The following AGBL1 variants were observed in gnomAD, a reference collection of about 807,000 sequenced individuals.
AGBL1 encodes the protein cytosolic carboxypeptidase 4.
A neutral mutation model predicts 118.9 loss-of-function variants in AGBL1; 130 were observed. That is an observed-to-expected ratio of 1.09 (90% confidence interval 0.95 to 1.26). AGBL1 has a LOEUF of 1.26. Among genes scored for constraint, AGBL1 ranks in the 50% most tolerant of loss-of-function variants. AGBL1 has a pLI of 0.00. For synonymous variants in AGBL1, 555 were observed against 478.9 expected (o/e 1.16, Z -2.08); for missense variants, 1,584 against 1,298.1 (o/e 1.22, Z -3.38).
chr15:86,883,187 A>T (rs1259389072), intron 22 of AGBL1, among the ~76,000 whole-genome samples: 1 of 152,248 alleles, frequency 6.6e-6, no homozygotes, highest in Admixed American at 6.5e-5. Context: ...TGAACAAGTT[A>T]TATTTAAATA....
At chr15:86,721,408 A>G (rs1461396836) in intron 22 of AGBL1, among the ~76,000 whole-genome samples, 2 of 152,206 alleles carry the variant, frequency 1.3e-5, no homozygotes, top group Non-Finnish European at 1.5e-5. Flanking sequence ...CCATACGATT[A>G]TCTCAATAGA....
chr15:86,509,977 G>C (rs956167192), intron 18 of AGBL1, among the ~76,000 whole-genome samples: 1 of 131,522 alleles, frequency 7.6e-6, no homozygotes, highest in South Asian at 2.4e-4. Flanking sequence ...TTTCTTCTGT[G>C]GCACTGAGTG....
intron 21 of AGBL1, among the ~76,000 whole-genome samples, chr15:86,597,359 T>C (rs904374676): frequency 5.3e-5 from 8 of 152,172 alleles, no homozygotes; most frequent in African/African-American, 1.9e-4. Context: ...TGGTTCAATA[T>C]TCAGAAATTT....
intron 17 of AGBL1, among the ~76,000 whole-genome samples, chr15:86,325,101 T>C (rs1215633453): frequency 6.6e-6 from 1 of 152,078 alleles, no homozygotes; most frequent in African/African-American, 2.4e-5. Flanking sequence ...GGGTTTTGGG[T>C]TTTAGAAATG....
intron 7 of AGBL1, among the ~76,000 whole-genome samples, chr15:86,254,170 T>C (rs906697746): frequency 3.9e-5 from 6 of 152,224 alleles, no homozygotes; most frequent in Admixed American, 2.0e-4. Context: ...TGACTCCTAG[T>C]ATTCTCTTGC....
At chr15:86,864,389 C>T (rs1349604763) in intron 22 of AGBL1, among the ~76,000 whole-genome samples, 5 of 152,116 alleles carry the variant, frequency 3.3e-5, no homozygotes, top group South Asian at 2.1e-4. Flanking sequence ...TACTCAGGCA[C>T]GATTGTAAGT....
At chr15:86,804,619 A>G (rs2078693333) in intron 22 of AGBL1, among the ~76,000 whole-genome samples, 1 of 152,208 alleles carries the variant, frequency 6.6e-6, no homozygotes, top group Non-Finnish European at 1.5e-5. Context: ...AAGCAATGCC[A>G]GTTCTCTTGG....
At chr15:87,005,329 A>G (rs1241559343) in intron 24 of AGBL1, among the ~76,000 whole-genome samples, 3 of 152,310 alleles carry the variant, frequency 2.0e-5, no homozygotes, top group Non-Finnish European at 1.5e-5. Context: ...AGGTACACCA[A>G]TCAGATGTAG....
intron 22 of AGBL1, among the ~76,000 whole-genome samples, chr15:86,809,515 G>A (rs2078760924): frequency 6.6e-6 from 1 of 152,020 alleles, no homozygotes; most frequent in South Asian, 2.1e-4. Context: ...TGAAACACAC[G>A]ATTTGCTATA....
intron 6 of AGBL1, among the ~76,000 whole-genome samples, chr15:86,233,515 A>G (rs2078489960): frequency 6.6e-6 from 1 of 151,960 alleles, no homozygotes; most frequent in Admixed American, 6.6e-5. Context: ...TTGCCTCTTG[A>G]TAGGCATTGA....
At chr15:86,792,879 A>G (rs2078515304) in intron 22 of AGBL1, among the ~76,000 whole-genome samples, 3 of 152,170 alleles carry the variant, frequency 2.0e-5, no homozygotes, top group Admixed American at 2.0e-4. Context: ...GATTCCCAGT[A>G]ATATTATCAA....
intron 23 of AGBL1, among the ~76,000 whole-genome samples, chr15:86,985,509 A>G (rs532351440): frequency 1.9e-4 from 29 of 152,364 alleles, no homozygotes; most frequent in South Asian, 1.4e-3. Context: ...AGCTTTTCAT[A>G]TGCTTATTTG....
At chr15:86,426,133 T>C (rs2081863866) in intron 18 of AGBL1, among the ~76,000 whole-genome samples, 2 of 152,048 alleles carry the variant, frequency 1.3e-5, no homozygotes, top group South Asian at 2.1e-4. Flanking sequence ...AATATAGAAA[T>C]GAAGCTAGCT....
intron 22 of AGBL1, among the ~76,000 whole-genome samples, chr15:86,850,796 A>G (rs1033652888): frequency 2.7e-5 from 4 of 150,376 alleles, no homozygotes; most frequent in Non-Finnish European, 5.9e-5. Flanking sequence ...TATGCTGCAT[A>G]TCATGTAATC....
intron 22 of AGBL1, among the ~76,000 whole-genome samples, chr15:86,701,984 T>C (rs186279204): frequency 1.4e-5 from 2 of 144,186 alleles, no homozygotes; most frequent in African/African-American, 5.1e-5. Flanking sequence ...CTCTCCCTTC[T>C]CTCCCCTTCC....
In AGBL1 at chr15:86,532,333, C is replaced by A. The variant is rs1299559656; in HGVS notation, c.2685+9394C>A. On this transcript the variant is annotated intron_variant, in intron 19 of 22. Coordinates refer to ENST00000614907, the MANE Select transcript of AGBL1 (RefSeq NM_001386094.1). ...CACCAACAACAGACAAACAGAGAGCCAAATCATGAGTGAACTCCCATTCAC... is the reference window on the plus strand; with the variant it reads ...CACCAACAACAGACAAACAGAGAGCAAAATCATGAGTGAACTCCCATTCAC... Among the ~76,000 whole-genome samples, 4 of 151,452 alleles carry A rather than the reference C, an allele frequency of 2.6e-5. No homozygotes were observed. The East Asian group carries it at 7.8e-4, about 29-fold the overall frequency.
intron 21 of AGBL1, among the ~76,000 whole-genome samples, chr15:86,669,285 T>C (rs774375626): frequency 4.7e-4 from 71 of 152,198 alleles, no homozygotes; most frequent in Admixed American, 7.9e-4. Flanking sequence ...GGTTTTGAGA[T>C]GAATGAGTTT....
At position 86,223,509 on chromosome 15, in the gene AGBL1, C is replaced by T. The variant is rs554039415; in HGVS notation, c.489-1405C>T. On this transcript the variant is annotated intron_variant, in intron 5 of 22. Coordinates refer to ENST00000614907, the MANE Select transcript of AGBL1 (RefSeq NM_001386094.1). ...TTTCAGAAACACCTTCCATGTGTTC[C>T]GTTTTCAATCCACTGTTGTGAAAAC... Among the ~76,000 whole-genome samples the T allele has an allele frequency of 2.6e-5, 4 of 152,282 alleles. No homozygotes were observed. In the East Asian group the frequency reaches 7.7e-4, roughly 29 times the overall value.
chr15:86,819,325 A>G (rs570181789), intron 22 of AGBL1, among the ~76,000 whole-genome samples: 1 of 152,266 alleles, frequency 6.6e-6, no homozygotes, highest in East Asian at 1.9e-4. Context: ...CAGTGGTTCT[A>G]TTAAGTGATT....
Sources: gnomAD v4.1 joint callset for allele counts (sites outside exome capture counted in the v4.1 genomes callset) on GRCh38, gnomAD v4.1.1 for gene constraint, MANE v1.5 for transcripts, NCBI Gene and HGNC (gene_info 2026-07-23, HGNC 2026-07-21) for gene names.